PCCA: variants seen among roughly 807,000 people sequenced by gnomAD.
PCCA encodes the protein propionyl-CoA carboxylase alpha chain, mitochondrial.
PCCA carries 74 observed loss-of-function variants against 101.3 expected under a neutral mutation model. The observed-to-expected ratio is 0.73, with a 90% CI of 0.61 to 0.89. The LOEUF (loss-of-function observed/expected upper bound fraction) is 0.89. PCCA is among the 40% of genes least tolerant of loss of function. The pLI is 0.00. For synonymous variants in PCCA, 294 were observed against 313.6 expected (o/e 0.94, Z 0.66); for missense variants, 891 against 907.0 (o/e 0.98, Z 0.23).
At chr13:100,364,603 CTT>C (rs975582059) in intron 18 of PCCA, among the ~76,000 whole-genome samples, 68 of 152,336 alleles carry the variant, frequency 4.5e-4, no homozygotes, top group African/African-American at 1.6e-3. Context: ...TAGTTTCAAA[CTT>C]ATGTCAAGCC....
chr13:100,493,938 C>T (rs376524395), intron 21 of PCCA, among the ~76,000 whole-genome samples: 7 of 152,190 alleles, frequency 4.6e-5, no homozygotes, highest in African/African-American at 1.7e-4. Flanking sequence ...CGCCTGTAAT[C>T]TCAGCACTTT....
intron 2 of PCCA, among the ~76,000 whole-genome samples, chr13:100,109,378 C>G (rs2048102739): frequency 6.6e-6 from 1 of 152,290 alleles, no homozygotes; most frequent in South Asian, 2.1e-4. Flanking sequence ...GACCATTCTG[C>G]TGCCTGAACA....
chr13:100,330,420 G>T, intron 16 of PCCA, 141 bp from the exon 17 acceptor site: 1 of 641,464 alleles, frequency 1.6e-6, no homozygotes, highest in South Asian at 1.8e-5. Context: ...ATTTTTTGTT[G>T]TTAATAGAAT....
intron 21 of PCCA, among the ~76,000 whole-genome samples, chr13:100,470,011 C>T (rs2082874065): frequency 6.6e-6 from 1 of 152,234 alleles, no homozygotes; most frequent in Middle Eastern, 3.4e-3. Context: ...TAAGACCATC[C>T]CTCTGACAGA....
At chr13:100,431,762 A>T (rs2079563845) in intron 20 of PCCA, among the ~76,000 whole-genome samples, 1 of 152,196 alleles carries the variant, frequency 6.6e-6, no homozygotes, top group African/African-American at 2.4e-5. Context: ...GCTGCGTGGG[A>T]GGCTGAGGCA....
chr13:100,099,671 GT>G (rs1167959876), intron 1 of PCCA, among the ~76,000 whole-genome samples: 5 of 151,766 alleles, frequency 3.3e-5, no homozygotes, highest in Non-Finnish European at 7.4e-5. Context: ...AACAGGATTT[GT>G]TTCCCTGTTT....
At chr13:100,432,705 G>A (rs2152903785) in intron 20 of PCCA, among the ~76,000 whole-genome samples, 1 of 152,246 alleles carries the variant, frequency 6.6e-6, no homozygotes, top group East Asian at 1.9e-4. Context: ...GGGTGAAGTG[G>A]AGATGGAGTT....
chr13:100,367,235 G>A (rs2075242144), intron 18 of PCCA, among the ~76,000 whole-genome samples: 1 of 152,178 alleles, frequency 6.6e-6, no homozygotes, highest in South Asian at 2.1e-4. Context: ...TTGGCTGCTT[G>A]ATACGGATTT....
At chr13:100,345,321 C>T (rs185584662) in intron 18 of PCCA, among the ~76,000 whole-genome samples, 29 of 152,250 alleles carry the variant, frequency 1.9e-4, no homozygotes, top group African/African-American at 6.7e-4. Flanking sequence ...AGTGAACACA[C>T]AAATGATAAG....
At chr13:100,219,386 G>A (rs968154689) in intron 7 of PCCA, among the ~76,000 whole-genome samples, 3 of 152,168 alleles carry the variant, frequency 2.0e-5, no homozygotes, top group Non-Finnish European at 4.4e-5. Context: ...GTCCTCAAGG[G>A]TTCAAGGAAG....
intron 21 of PCCA, among the ~76,000 whole-genome samples, chr13:100,471,393 G>C (rs774096020): frequency 6.6e-6 from 1 of 152,192 alleles, no homozygotes; most frequent in South Asian, 2.1e-4. Context: ...TTGAAATACT[G>C]CAAGAATTAC....
chr13:100,299,525 G>A (rs977073946), intron 12 of PCCA, among the ~76,000 whole-genome samples: 1 of 152,114 alleles, frequency 6.6e-6, no homozygotes, highest in Non-Finnish European at 1.5e-5. Flanking sequence ...ACTTACCATA[G>A]ATGTGACTCT....
At chr13:100,423,852 G>A (rs1030315879) in intron 19 of PCCA, among the ~76,000 whole-genome samples, 5 of 152,354 alleles carry the variant, frequency 3.3e-5, no homozygotes, top group East Asian at 1.9e-4. Context: ...GCCTCGCGGC[G>A]CTGGCATGGG....
intron 22 of PCCA, among the ~76,000 whole-genome samples, chr13:100,525,356 C>T (rs1043551212): frequency 3.3e-5 from 5 of 152,212 alleles, no homozygotes; most frequent in Non-Finnish European, 7.3e-5. Flanking sequence ...GGACCCAGCA[C>T]TTGCAGTTAC....
intron 22 of PCCA, among the ~76,000 whole-genome samples, chr13:100,516,735 A>ATG (rs2086849088): frequency 5.5e-5 from 4 of 73,370 alleles, no homozygotes; most frequent in African/African-American, 2.2e-4. Flanking sequence ...AAGAAAAATT[A>ATG]CGTGTGTGTG....
At chr13:100,265,818 A>G (rs531745054) in intron 10 of PCCA, among the ~76,000 whole-genome samples, 9 of 147,898 alleles carry the variant, frequency 6.1e-5, no homozygotes, top group Middle Eastern at 6.9e-3. Flanking sequence ...AGATTTTCTA[A>G]TAGATGGATG....
chr13:100,501,878 A>AATAAATAAATAAATAC (rs2152988923), intron 21 of PCCA, among the ~76,000 whole-genome samples: 2 of 104,972 alleles, frequency 1.9e-5, no homozygotes, highest in South Asian at 4.7e-4. Context: ...CTTCTCAATA[A>AATAAATAAATAAATAC]ATAAATAAAT....
intron 7 of PCCA, among the ~76,000 whole-genome samples, chr13:100,221,965 G>C (rs1238279251): frequency 6.6e-6 from 1 of 151,930 alleles, no homozygotes; most frequent in South Asian, 2.1e-4. Flanking sequence ...TCAAACTCCT[G>C]ACCTCAAGTG....
At chr13:100,389,977 A>C (rs1392751946) in intron 19 of PCCA, among the ~76,000 whole-genome samples, 1 of 152,170 alleles carries the variant, frequency 6.6e-6, no homozygotes, top group Non-Finnish European at 1.5e-5. Flanking sequence ...TGGAGAGGCA[A>C]GACTGGAGGA....
Sources: gnomAD v4.1 joint callset for allele counts (sites outside exome capture counted in the v4.1 genomes callset) on GRCh38, gnomAD v4.1.1 for gene constraint, MANE v1.5 for transcripts, NCBI Gene and HGNC (gene_info 2026-07-23, HGNC 2026-07-21) for gene names.